FMN2: variants seen among roughly 807,000 people sequenced by gnomAD.
The protein encoded by FMN2 is formin-2.
In FMN2, 51 loss-of-function variants were observed where a neutral mutation model predicts 142.3. The observed-to-expected ratio is 0.36, with a 90% CI of 0.29 to 0.45. The LOEUF (loss-of-function observed/expected upper bound fraction) is 0.45. Ranked by LOEUF, FMN2 falls within the 20% of genes least tolerant of loss-of-function variation. FMN2 has a pLI of 1.00. For synonymous variants in FMN2, 882 were observed against 869.8 expected (o/e 1.01, Z -0.25); for missense variants, 1,936 against 2,122.8 (o/e 0.91, Z 1.73).
intron 2 of FMN2, among the ~76,000 whole-genome samples, chr1:240,174,160 A>G (rs1476693345): frequency 2.0e-5 from 3 of 152,166 alleles, no homozygotes; most frequent in East Asian, 1.9e-4. Flanking sequence ...GCTTAGAAGC[A>G]TGCTGTTGTG....
chr1:240,469,833 A>G (rs1249377167), intron 16 of FMN2, among the ~76,000 whole-genome samples: 1 of 152,072 alleles, frequency 6.6e-6, no homozygotes, highest in Non-Finnish European at 1.5e-5. Context: ...ATTGAATTTC[A>G]TTGTCCCTAT....
chr1:240,247,739 T>G (rs1233027925), intron 6 of FMN2, among the ~76,000 whole-genome samples: 1 of 152,058 alleles, frequency 6.6e-6, no homozygotes. Flanking sequence ...AAATTCAGAG[T>G]GATGGTTCCT....
intron 1 of FMN2, among the ~76,000 whole-genome samples, chr1:240,114,388 CCAGAGGCT>C (rs1364927992): frequency 6.6e-6 from 1 of 152,102 alleles, no homozygotes; most frequent in Non-Finnish European, 1.5e-5. Flanking sequence ...TTCTTTTGTT[CCAGAGGCT>C]GGGGGACAGC....
intron 2 of FMN2, among the ~76,000 whole-genome samples, chr1:240,155,998 G>C (rs1337361701): frequency 6.6e-6 from 1 of 151,700 alleles, no homozygotes; most frequent in Non-Finnish European, 1.5e-5. Flanking sequence ...TAGCACTTTA[G>C]GAGCCTGAGG....
intron 15 of FMN2, among the ~76,000 whole-genome samples, chr1:240,411,098 G>A (rs1444762691): frequency 6.6e-6 from 1 of 151,922 alleles, no homozygotes; most frequent in African/African-American, 2.4e-5. Context: ...TTTTTAGTCA[G>A]GAAGGTTGTC....
chr1:240,399,019 G>T (rs1428444951), intron 15 of FMN2, among the ~76,000 whole-genome samples: 1 of 152,064 alleles, frequency 6.6e-6, no homozygotes, highest in Non-Finnish European at 1.5e-5. Flanking sequence ...GTCTCGGATG[G>T]TTATGGAGCA....
intron 16 of FMN2, among the ~76,000 whole-genome samples, chr1:240,446,881 C>T (rs1675835185): frequency 6.6e-6 from 1 of 152,180 alleles, no homozygotes; most frequent in African/African-American, 2.4e-5. Flanking sequence ...CACACTCCTC[C>T]TGCTCGACTT....
chr1:240,305,605 T>C (rs1670359315), intron 8 of FMN2, among the ~76,000 whole-genome samples: 3 of 151,692 alleles, frequency 2.0e-5, no homozygotes, highest in Admixed American at 6.6e-5. Flanking sequence ...AAATTATTAA[T>C]CTAGTGAAAA....
intron 1 of FMN2, among the ~76,000 whole-genome samples, chr1:240,113,762 G>A (rs983277545): frequency 5.9e-5 from 9 of 152,062 alleles, no homozygotes; most frequent in African/African-American, 2.2e-4. Context: ...TACATTCCTT[G>A]AACAGAAAAG....
chr1:240,369,948 C>T (rs1672808969), intron 14 of FMN2, among the ~76,000 whole-genome samples: 1 of 152,068 alleles, frequency 6.6e-6, no homozygotes, highest in Non-Finnish European at 1.5e-5. Context: ...GAGAGTTTCC[C>T]CTTCCCCCAA....
At chr1:240,129,385 G>T (rs568667651) in intron 2 of FMN2, among the ~76,000 whole-genome samples, 1 of 151,830 alleles carries the variant, frequency 6.6e-6, no homozygotes, top group African/African-American at 2.4e-5. Flanking sequence ...TTTAAAGATG[G>T]TATTAAGATG....
Position 240,439,279 on chromosome 1 carries a change from AAAAGAAAG to A in FMN2, c.5060+1087_5060+1094del, listed in dbSNP as rs1553265377. On this transcript the variant is annotated intron_variant, in intron 16 of 17. Transcript: ENST00000319653. ...CAGAGCAAGGCTGTCTCAAAAAAAA[AAAAGAAAG>A]AAAGAAAGAAAGAAAGAGTTACATC... is the stretch of plus-strand genomic sequence containing the variant. Among the ~76,000 whole-genome samples, 131 of 124,764 alleles carry A rather than the reference AAAAGAAAG, an allele frequency of 1.0e-3. 2 individuals carry two copies. The highest frequency in any genetic ancestry group is 4.0e-3 in the African/African-American group (128 of 31,974). The allele number at this position is 124,764 out of a possible 152,430, so 81.9% of individuals were successfully genotyped here.
chr1:240,122,581 CCTTGGATCCAAATTTAAATCCAAA>C (rs1662328843), intron 1 of FMN2, among the ~76,000 whole-genome samples: 1 of 152,094 alleles, frequency 6.6e-6, no homozygotes, highest in Non-Finnish European at 1.5e-5. Context: ...CCATGTCTGG[CCTTGGATCCAAATTTAAATCCAAA>C]ATTGGATTTA....
At chr1:240,277,033 A>G (rs945480020) in intron 7 of FMN2, among the ~76,000 whole-genome samples, 1 of 152,178 alleles carries the variant, frequency 6.6e-6, no homozygotes, top group African/African-American at 2.4e-5. Context: ...TTAATCCTTG[A>G]TCCTGTTAAA....
At chr1:240,297,294 G>C (rs1450168043) in intron 8 of FMN2, among the ~76,000 whole-genome samples, 1 of 152,044 alleles carries the variant, frequency 6.6e-6, no homozygotes, top group African/African-American at 2.4e-5. Flanking sequence ...ATTTTATGAT[G>C]GTTTAGAATA....
chr1:240,136,883 C>T (rs760552795), intron 2 of FMN2, among the ~76,000 whole-genome samples: 2 of 151,894 alleles, frequency 1.3e-5, no homozygotes, highest in African/African-American at 2.4e-5. Context: ...TCAGCCTGAC[C>T]CACATGGTGA....
chr1:240,114,427 G>A (rs1661938354), intron 1 of FMN2, among the ~76,000 whole-genome samples: 1 of 152,126 alleles, frequency 6.6e-6, no homozygotes, highest in Non-Finnish European at 1.5e-5. Flanking sequence ...GATGGGGGAT[G>A]CTGTGTACTT....
chr1:240,284,348 A>C (rs1191280443), intron 7 of FMN2, among the ~76,000 whole-genome samples: 1 of 151,912 alleles, frequency 6.6e-6, no homozygotes, highest in East Asian at 1.9e-4. Flanking sequence ...GCTGGGGGGG[A>C]GGATTGAGTT....
intron 2 of FMN2, among the ~76,000 whole-genome samples, chr1:240,142,445 G>C (rs986507255): frequency 7.4e-6 from 1 of 134,926 alleles, no homozygotes. Flanking sequence ...ATGGTCCCAG[G>C]GTCATAGGAC....
Sources: gnomAD v4.1 joint callset for allele counts (sites outside exome capture counted in the v4.1 genomes callset) on GRCh38, gnomAD v4.1.1 for gene constraint, MANE v1.5 for transcripts, NCBI Gene and HGNC (gene_info 2026-07-23, HGNC 2026-07-21) for gene names.